The following FAM171A1 variants were observed in gnomAD, a reference collection of about 807,000 sequenced individuals.
FAM171A1 encodes the protein family with sequence similarity 171 member A1.
A neutral mutation model predicts 74.9 loss-of-function variants in FAM171A1; 23 were observed. The ratio of observed to expected loss-of-function variants is 0.31; its 90% CI spans 0.22 to 0.44. The LOEUF is 0.44. Ranked by LOEUF, FAM171A1 falls within the 20% of genes least tolerant of loss-of-function variation. The pLI is 1.00. For synonymous variants in FAM171A1, 527 were observed against 505.7 expected (o/e 1.04, Z -0.57); for missense variants, 1,162 against 1,159.2 (o/e 1.00, Z -0.03).
chr10:15,293,720 G>A (rs1835129369), intron 1 of FAM171A1, among the ~76,000 whole-genome samples: 1 of 152,188 alleles, frequency 6.6e-6, no homozygotes. Flanking sequence ...ATGAAGGGTC[G>A]TGGCTATCTG....
chr10:15,271,401 C>T (rs1301541125), intron 3 of FAM171A1, among the ~76,000 whole-genome samples: 3 of 152,164 alleles, frequency 2.0e-5, no homozygotes, highest in Non-Finnish European at 4.4e-5. Flanking sequence ...ACCAAATTTA[C>T]GTCTGATTGG....
At chr10:15,234,810 G>T (rs1210013012) in intron 5 of FAM171A1, among the ~76,000 whole-genome samples, 2 of 150,952 alleles carry the variant, frequency 1.3e-5, no homozygotes, top group East Asian at 3.9e-4. Context: ...CCACCACCAC[G>T]CCCGGCTAAT....
At position 15,279,375 on chromosome 10, in the gene FAM171A1, G is replaced by A. The variant is rs1834937117; in HGVS notation, c.326-3428C>T. 4.6e-5 allele frequency among the ~76,000 whole-genome samples: 7 copies of A among 152,174 alleles called. 1 individual carries two copies. Among genetic ancestry groups the A allele is most frequent in the Admixed American group, 4.6e-4 (7 of 15,276 alleles). On this transcript the variant is annotated intron_variant, in intron 2 of 7. Coordinates refer to ENST00000378116, the MANE Select transcript of FAM171A1 (RefSeq NM_001010924.2). Reference sequence around the variant, plus strand: ...GCACCAGCAGGGACTTCCCGGGGCAGAGGACAGGGACTAGGGATGCAATCA... The same window carrying A: ...GCACCAGCAGGGACTTCCCGGGGCAAAGGACAGGGACTAGGGATGCAATCA...
chr10:15,331,871 GTGTGT>G (rs1835640785), intron 1 of FAM171A1, among the ~76,000 whole-genome samples: 1 of 44,826 alleles, frequency 2.2e-5, no homozygotes, highest in African/African-American at 8.3e-5. Context: ...ATATATATGT[GTGTGT>G]ATACATATAT....
At chr10:15,231,615 C>T (rs1388519279) in intron 5 of FAM171A1, among the ~76,000 whole-genome samples, 1 of 151,794 alleles carries the variant, frequency 6.6e-6, no homozygotes, top group Non-Finnish European at 1.5e-5. Flanking sequence ...GGTGTGGCAA[C>T]TCTGTCAGGC....
intron 1 of FAM171A1, among the ~76,000 whole-genome samples, chr10:15,323,724 C>T (rs780288516): frequency 2.0e-5 from 3 of 151,910 alleles, no homozygotes; most frequent in Admixed American, 6.6e-5. Flanking sequence ...GTGAAAAGGA[C>T]GTGGTATTTT....
At chr10:15,253,412 G>A (rs1326312265) in intron 4 of FAM171A1, among the ~76,000 whole-genome samples, 1 of 152,024 alleles carries the variant, frequency 6.6e-6, no homozygotes, top group African/African-American at 2.4e-5. Context: ...TAAGATGACT[G>A]CTATGCCATC....
intron 3 of FAM171A1, among the ~76,000 whole-genome samples, chr10:15,256,783 G>A (rs1834586020): frequency 6.6e-6 from 1 of 152,140 alleles, no homozygotes; most frequent in African/African-American, 2.4e-5. Flanking sequence ...TCCCACAAAC[G>A]CTCTGTGTCC....
At position 15,284,019 on chromosome 10, in the gene FAM171A1, A is replaced by T. The variant is rs550027588; in HGVS notation, c.184T>A (p.Ser62Thr). The T allele has an allele frequency of 2.5e-6, 4 of 1,614,142 alleles. No individual in the cohort carries two copies. In the African/African-American group the frequency reaches 5.3e-5, roughly 22 times the overall value. Residue 62 changes from serine (S) to threonine (T), a missense_variant, in exon 2 of 8, where the codon TCC becomes ACC. Physicochemically the swap from Ser to Thr is moderately conservative, Grantham distance 58. Coordinates refer to ENST00000378116, the MANE Select transcript of FAM171A1 (RefSeq NM_001010924.2). ...ALIEIFTNQA[S>T]IASGTSGTDG... Reference sequence around the variant, plus strand: ...GTCCCCGAGGTGCCAGAGGCTATGGAGGCCTGGTTGGTGAAGATCTCGATG... The same window carrying T: ...GTCCCCGAGGTGCCAGAGGCTATGGTGGCCTGGTTGGTGAAGATCTCGATG...
chr10:15,309,408 A>G (rs933408990), intron 1 of FAM171A1, among the ~76,000 whole-genome samples: 1 of 152,138 alleles, frequency 6.6e-6, no homozygotes, highest in Non-Finnish European at 1.5e-5. Context: ...GGGTCTCACT[A>G]TGTTGCCCAG....
At chr10:15,306,852 C>G (rs1035549601) in intron 1 of FAM171A1, among the ~76,000 whole-genome samples, 4 of 152,210 alleles carry the variant, frequency 2.6e-5, no homozygotes, top group Admixed American at 1.3e-4. Flanking sequence ...GTCCTATCCA[C>G]CTTCTCACCG....
chr10:15,227,190 G>A (rs937937691), intron 5 of FAM171A1, among the ~76,000 whole-genome samples: 1 of 152,132 alleles, frequency 6.6e-6, no homozygotes, highest in East Asian at 1.9e-4. Context: ...TAATGGAAAT[G>A]GAGTTTCACC....
At chr10:15,268,961 G>A (rs924431834) in intron 3 of FAM171A1, among the ~76,000 whole-genome samples, 3 of 152,172 alleles carry the variant, frequency 2.0e-5, no homozygotes, top group Admixed American at 6.5e-5. Flanking sequence ...AAAATCACTT[G>A]GACCTGGGAG....
intron 1 of FAM171A1, among the ~76,000 whole-genome samples, chr10:15,331,184 C>T (rs192229380): frequency 7.2e-4 from 110 of 152,248 alleles, no homozygotes; most frequent in African/African-American, 1.6e-3. Flanking sequence ...CCACCGCACC[C>T]GGCCTACAGC....
chr10:15,219,564 T>C (rs1198369629), intron 6 of FAM171A1, among the ~76,000 whole-genome samples: 1 of 152,210 alleles, frequency 6.6e-6, no homozygotes, highest in East Asian at 1.9e-4. Flanking sequence ...AACAATAGCA[T>C]CAAGGGAAAC....
intron 3 of FAM171A1, among the ~76,000 whole-genome samples, chr10:15,256,876 C>T (rs1460949496): frequency 6.6e-6 from 1 of 152,180 alleles, no homozygotes; most frequent in Non-Finnish European, 1.5e-5. Context: ...TCCCTTTCCA[C>T]GCTGCCCTCC....
chr10:15,283,758 A>T lies in FAM171A1; in HGVS notation c.325+120T>A, dbSNP rs1588532632. 9.4e-6 allele frequency: 9 copies of T among 952,564 alleles called. No homozygotes were observed. The Admixed American group carries it at 2.0e-4, about 21-fold the overall frequency. 59.0% of individuals were successfully genotyped at this position (952,564 alleles called of 1,614,324 possible). ...CACTATGATGCCTGGCTAATTTTAA[A>T]TTTTTTTGTAGAGATGCAGTCTCAC... On this transcript the variant is annotated intron_variant, in intron 2 of 7. Coordinates refer to ENST00000378116, the MANE Select transcript of FAM171A1 (RefSeq NM_001010924.2).
At chr10:15,236,612 G>C (rs1232191834) in intron 5 of FAM171A1, among the ~76,000 whole-genome samples, 1 of 152,156 alleles carries the variant, frequency 6.6e-6, no homozygotes, top group Non-Finnish European at 1.5e-5. Flanking sequence ...TATCAGCTGT[G>C]TCTCATCCAG....
At position 15,337,248 on chromosome 10, in the gene FAM171A1, A is replaced by G. The variant is rs549147166; in HGVS notation, c.97+33708T>C. Among the ~76,000 whole-genome samples the G allele has an allele frequency of 6.5e-4, 99 of 152,336 alleles. 1 individual carries two copies. The highest frequency in any genetic ancestry group is 2.3e-3 in the African/African-American group (96 of 41,574). On this transcript the variant is annotated intron_variant, in intron 1 of 7. Transcript: ENST00000378116. ...GAGCCAGAGTTGGAACAATTAGAGG[A>G]TAAATCCCTAAAAAAGAAATATATG...
Sources: allele counts gnomAD v4.1 joint callset (sites outside exome capture counted in the v4.1 genomes callset), GRCh38; gene constraint gnomAD v4.1.1; transcripts MANE v1.5; gene names NCBI Gene and HGNC (gene_info 2026-07-23, HGNC 2026-07-21).